MYO19: variants seen among roughly 807,000 people sequenced by gnomAD.
MYO19 encodes unconventional myosin-XIX.
MYO19 carries 132 observed loss-of-function variants against 129.2 expected under a neutral mutation model. The ratio of observed to expected loss-of-function variants is 1.02; its 90% CI spans 0.89 to 1.18. The LOEUF is 1.18. MYO19 is among the 50% of genes most tolerant of loss of function. MYO19 has a pLI of 0.00. For missense variants in MYO19, 1,210 were observed against 1,216.7 expected, an observed-to-expected ratio of 0.99 and a Z score of 0.08; for synonymous variants, 531 against 477.2, an observed-to-expected ratio of 1.11 and a Z score of -1.47.
At position 36,527,631 on chromosome 17, in the gene MYO19, C is replaced by A. The variant is rs2073559782; in HGVS notation, c.220G>T (p.Ala74Ser). Residue 74 changes from alanine (A) to serine (S), a missense_variant, in exon 5 of 26, where the codon GCC (alanine) becomes TCC (serine). Coordinates refer to ENST00000614623, the MANE Select transcript of MYO19 (RefSeq NM_001163735.2). Reference protein sequence around the residue: ...FYTNAGCTLVALNPFKPVPQL... With the variant: ...FYTNAGCTLVSLNPFKPVPQL... ...GGAACAGGCTTGAAGGGGTTCAAGGCTACCAGGGTGCAGCCAGCATTGGTG... is the reference window on the plus strand; with the variant it reads ...GGAACAGGCTTGAAGGGGTTCAAGGATACCAGGGTGCAGCCAGCATTGGTG... 1.2e-6 allele frequency: 2 copies of A among 1,613,858 alleles called. No individual in the cohort carries two copies. The highest frequency in any genetic ancestry group is 2.7e-5 in the African/African-American group (2 of 74,920).
chr17:36,524,452 G>A (rs1281900811), intron 6 of MYO19, among the ~76,000 whole-genome samples: 4 of 152,224 alleles, frequency 2.6e-5, no homozygotes, highest in Non-Finnish European at 4.4e-5. Flanking sequence ...AAAGGGCGAG[G>A]CAGCTGGGTG....
chr17:36,507,084 G>A lies in MYO19; in HGVS notation c.1523C>T (p.Thr508Ile). The change falls in exon 17 of 26, where the codon ACT (threonine) becomes ATT (isoleucine). Residue 508 changes from threonine to isoleucine, a missense_variant. Thr to Ile is a moderately conservative substitution (Grantham distance 89). Transcript: ENST00000614623. Reference sequence around the variant, plus strand: ...CAGGCAGGGGCTGCCTGCCAGGGCAGTCTCAATGCGTGTCTGGAGCTGGGC... The same window carrying A: ...CAGGCAGGGGCTGCCTGCCAGGGCAATCTCAATGCGTGTCTGGAGCTGGGC... ...SAAQLQTRIETALAGSPCLGH... is the reference protein window; with the variant it reads ...SAAQLQTRIEIALAGSPCLGH... 1 of 1,613,414 alleles carries A rather than the reference G, an allele frequency of 6.2e-7. No homozygotes were observed. Among genetic ancestry groups the A allele is most frequent in the Non-Finnish European group, 8.5e-7 (1 of 1,179,482 alleles).
chr17:36,504,713 G>C (rs1389519085), intron 19 of MYO19: 1 of 168,750 alleles, frequency 5.9e-6, no homozygotes, highest in Non-Finnish European at 1.3e-5. Context: ...AGGAGTTTGA[G>C]ACCAGCCTGG....
chr17:36,538,757 A>AT, upstream of MYO19: 181 of 761,294 alleles, frequency 2.4e-4, no homozygotes, highest in Non-Finnish European at 3.3e-4. Context: ...GTGATGCTTA[A>AT]TTATTTTTTT....
At chr17:36,527,058 C>T (rs923290383) in intron 5 of MYO19, among the ~76,000 whole-genome samples, 9 of 152,016 alleles carry the variant, frequency 5.9e-5, no homozygotes, top group Admixed American at 1.3e-4. Context: ...CCCAGCTACT[C>T]AGGAGGCTGA....
In MYO19 at chr17:36,503,118, A is replaced by G; in HGVS notation, c.2059T>C (p.Tyr687His). ...PCTSSGPDSP[Y>H]PAKGLPEWCP... ...TCACCAGGGAGCCCTTTGGCAGGAT[A>G]TGGGCTGTCGGGGCCAGAGGATGTG... is the stretch of plus-strand genomic sequence containing the variant. Residue 687 changes from tyrosine (Y) to histidine (H), a missense_variant, in exon 21 of 26, where the codon TAT becomes CAT. By Grantham distance (83) the Tyr-to-His change is moderately conservative. Coordinates refer to ENST00000614623, the MANE Select transcript of MYO19 (RefSeq NM_001163735.2). 6.2e-7 allele frequency: 1 copy of G among 1,614,002 alleles called. No individual in the cohort carries two copies. Among genetic ancestry groups the G allele is most frequent in the Non-Finnish European group, 8.5e-7 (1 of 1,179,866 alleles).
Position 36,496,320 on chromosome 17 carries a change from A to G in MYO19, c.2844T>C (p.Phe948=). The G allele has an allele frequency of 6.2e-7, 1 of 1,614,038 alleles. No individual in the cohort carries two copies. Among genetic ancestry groups the G allele is most frequent in the Non-Finnish European group, 8.5e-7 (1 of 1,179,886 alleles). Residue 948 remains phenylalanine (F), a synonymous_variant, in exon 26 of 26, where the codon TTT becomes TTC. Transcript: ENST00000614623. The part of the protein sequence containing the change: ...PEPSPYSITG[F]NQILLERHRL... ...TGTGTCTTTCCAGCAGAATCTGATT[A>G]AAGCCTGTAATGCTGTAGGGTGAAG...
chr17:36,519,617 T>C (rs751125308), intron 6 of MYO19, among the ~76,000 whole-genome samples: 41 of 149,512 alleles, frequency 2.7e-4, no homozygotes, highest in African/African-American at 8.9e-4. Flanking sequence ...TTGTGCCTTA[T>C]AGTGATTATC....
intron 24 of MYO19, 181 bp from the exon 25 acceptor site, chr17:36,498,740 C>A: frequency 1.5e-6 from 1 of 654,092 alleles, no homozygotes. Flanking sequence ...ACACCCCAGG[C>A]AACTGTGCTT....
At chr17:36,511,766 T>TG (rs2072346007) in intron 11 of MYO19, among the ~76,000 whole-genome samples, 1 of 152,148 alleles carries the variant, frequency 6.6e-6, no homozygotes, top group Admixed American at 6.5e-5. Flanking sequence ...GGGCAGCCTG[T>TG]GGGCCTCCAT....
At position 36,515,047 on chromosome 17, in the gene MYO19, T is replaced by C. The variant is rs1396611071; in HGVS notation, c.617+66A>G. The C allele has an allele frequency of 3.4e-6, 5 of 1,482,942 alleles. No homozygotes were observed. In the African/African-American group the frequency reaches 6.9e-5, roughly 21 times the overall value. The allele number at this position is 1,482,942 out of a possible 1,614,324, so 91.9% of individuals were successfully genotyped here. A position where few individuals can be genotyped will look rare whatever the true frequency, so the allele number is the denominator to read the frequency against. Reference sequence around the variant, plus strand: ...CATAGGGGTGGCCCAGGCCAGATACTGCCCCAGCCACTTTCAACCTCCCCA... The same window carrying C: ...CATAGGGGTGGCCCAGGCCAGATACCGCCCCAGCCACTTTCAACCTCCCCA... On this transcript the variant is annotated intron_variant, in intron 8 of 25. Transcript: ENST00000614623.
At chr17:36,509,202 T>G (rs2072142997) in intron 13 of MYO19, 67 bp from the exon 14 acceptor site, 2 of 1,451,938 alleles carry the variant, frequency 1.4e-6, no homozygotes, top group African/African-American at 2.8e-5. Context: ...GTAAAATTGC[T>G]CCCCCCATCA....
rs1227026906 is a variant in MYO19, at chr17:36,506,568, G to C, written c.1685C>G (p.Ser562Cys). ...PPELTRLLQQ[S>C]QDPLLMGLFP... ...CAGCCCCATGAGCAGGGGGTCCTGG[G>C]ATTGCTGCAGGAGCCTGGTCAGCTC... is the stretch of plus-strand genomic sequence containing the variant. The change falls in exon 18 of 26, where the codon TCC (serine) becomes TGC (cysteine). Residue 562 changes from serine (S) to cysteine (C), a missense_variant. Transcript: ENST00000614623. The C allele has an allele frequency of 3.5e-5, 55 of 1,569,268 alleles. No individual in the cohort carries two copies. The highest frequency in any genetic ancestry group is 4.7e-5 in the Non-Finnish European group (55 of 1,162,720).
intron 11 of MYO19, chr17:36,513,145 C>CT: frequency 7.2e-7 from 1 of 1,394,202 alleles, no homozygotes; most frequent in South Asian, 1.7e-5. Flanking sequence ...CACTAGTTCT[C>CT]TCTTCTGATC....
At chr17:36,515,787 C>T (rs1430483533) in intron 7 of MYO19, 71 bp downstream of exon 7, 5 of 1,537,260 alleles carry the variant, frequency 3.3e-6, no homozygotes, top group Non-Finnish European at 4.4e-6. Context: ...AAGCACTGTC[C>T]CTCTCCCTGG....
chr17:36,503,101 G>A lies in MYO19; in HGVS notation c.2076C>T (p.Leu692=). 1.2e-6 allele frequency: 2 copies of A among 1,613,044 alleles called. No homozygotes were observed. The highest frequency in any genetic ancestry group is 1.7e-6 in the Non-Finnish European group (2 of 1,179,008). The change falls in exon 21 of 26, where the codon CTC becomes CTT. Residue 692 remains leucine, a synonymous_variant. Coordinates refer to ENST00000614623, the MANE Select transcript of MYO19 (RefSeq NM_001163735.2). ...GPDSPYPAKG[L]PEWCPHSEEA... ...TAACTCATGGGTCCCACTCACCAGG[G>A]AGCCCTTTGGCAGGATATGGGCTGT...
intron 19 of MYO19, chr17:36,505,029 C>A: frequency 1.5e-6 from 1 of 660,652 alleles, no homozygotes; most frequent in Admixed American, 1.9e-5. Flanking sequence ...TTCCTCTGGG[C>A]AGTTTCAGTC....
chr17:36,520,923 T>C (rs183122620), intron 6 of MYO19, among the ~76,000 whole-genome samples: 1 of 152,358 alleles, frequency 6.6e-6, no homozygotes, highest in East Asian at 1.9e-4. Flanking sequence ...CCATTTGATA[T>C]TGTACTACAG....
chr17:36,516,005 G>A lies in MYO19; in HGVS notation c.415-15C>T, dbSNP rs200923378. 132 of 1,602,588 alleles carry A rather than the reference G, an allele frequency of 8.2e-5. No individual in the cohort carries two copies. In the African/African-American group the frequency reaches 1.7e-3, roughly 20 times the overall value. Reference sequence around the variant, plus strand: ...GACGTCCATGTCTGTGGCAGAAACAGCCCTGTGGGAGCTGTATCTATGCTC... The same window carrying A: ...GACGTCCATGTCTGTGGCAGAAACAACCCTGTGGGAGCTGTATCTATGCTC... On this transcript the variant is annotated splice_polypyrimidine_tract_variant and intron_variant, in intron 6 of 25. Transcript: ENST00000614623.
Sources: gnomAD v4.1 joint callset for allele counts (sites outside exome capture counted in the v4.1 genomes callset) on GRCh38, gnomAD v4.1.1 for gene constraint, MANE v1.5 for transcripts, NCBI Gene and HGNC (gene_info 2026-07-23, HGNC 2026-07-21) for gene names.